Variants in ANKS1B observed in about 807,000 individuals in gnomAD.
ANKS1B encodes the protein ankyrin repeat and sterile alpha motif domain-containing protein 1B.
A neutral mutation model predicts 148.3 loss-of-function variants in ANKS1B; 36 were observed. The ratio of observed to expected loss-of-function variants is 0.24; its 90% CI spans 0.19 to 0.32. The LOEUF (loss-of-function observed/expected upper bound fraction) is 0.32. Ranked by LOEUF, ANKS1B falls within the 10% of genes least tolerant of loss-of-function variation. The pLI, the probability that ANKS1B is intolerant of heterozygous loss-of-function variation, is 1.00. For missense variants in ANKS1B, 1,157 were observed against 1,542.6 expected, an observed-to-expected ratio of 0.75 and a Z score of 4.19; for synonymous variants, 542 against 560.8, an observed-to-expected ratio of 0.97 and a Z score of 0.47.
At chr12:98,999,781 G>A (rs1293923680) in intron 17 of ANKS1B, among the ~76,000 whole-genome samples, 1 of 152,156 alleles carries the variant, frequency 6.6e-6, no homozygotes, top group African/African-American at 2.4e-5. Context: ...GCATGTGGTT[G>A]GGCTGGGCTC....
intron 13 of ANKS1B, among the ~76,000 whole-genome samples, chr12:99,245,298 T>C (rs1385707892): frequency 6.6e-6 from 1 of 152,192 alleles, no homozygotes; most frequent in African/African-American, 2.4e-5. Flanking sequence ...GGATCTCAGA[T>C]GTTATTCACT....
At chr12:99,901,305 T>A (rs1414833011) in intron 1 of ANKS1B, among the ~76,000 whole-genome samples, 1 of 152,190 alleles carries the variant, frequency 6.6e-6, no homozygotes, top group African/African-American at 2.4e-5. Context: ...GAAAATATTA[T>A]CATATTCTCA....
chr12:99,501,687 C>G (rs953837430), intron 10 of ANKS1B, among the ~76,000 whole-genome samples: 2 of 152,100 alleles, frequency 1.3e-5, no homozygotes, highest in Non-Finnish European at 2.9e-5. Context: ...CTGAGCTGGA[C>G]AGGCTGTGTA....
chr12:99,887,722 T>C (rs1048645361), intron 1 of ANKS1B, among the ~76,000 whole-genome samples: 15 of 152,260 alleles, frequency 9.9e-5, no homozygotes, highest in African/African-American at 3.1e-4. Flanking sequence ...GGTCTAATAA[T>C]GTATTCTACA....
In ANKS1B at chr12:99,564,195, C is replaced by T. The variant is rs539530218; in HGVS notation, c.1273-59554G>A. 5.9e-5 allele frequency among the ~76,000 whole-genome samples: 9 copies of T among 152,014 alleles called. No individual in the cohort carries two copies. In the South Asian group the frequency reaches 1.5e-3, roughly 25 times the overall value. On this transcript the variant is annotated intron_variant, in intron 9 of 26. Coordinates refer to ENST00000683438, the MANE Select transcript of ANKS1B (RefSeq NM_001352186.2). ...AAATTGTTGAGCTCACAGAAATTTG[C>T]CAAAAGGTTCATACAAAAATATTTA...
chr12:99,265,340 T>C (rs73140993), intron 12 of ANKS1B, among the ~76,000 whole-genome samples: 7,633 of 152,282 alleles, frequency 0.05, 261 homozygotes, highest in Non-Finnish European at 0.083. Flanking sequence ...TGCATATTCT[T>C]AGGCCTCACT....
At chr12:99,394,098 C>T (rs1002160586) in intron 12 of ANKS1B, among the ~76,000 whole-genome samples, 3 of 152,204 alleles carry the variant, frequency 2.0e-5, no homozygotes, top group African/African-American at 7.2e-5. Flanking sequence ...CATATACCTC[C>T]TTTGTCCACT....
intron 1 of ANKS1B, among the ~76,000 whole-genome samples, chr12:99,854,191 T>C (rs2088567907): frequency 6.6e-6 from 1 of 152,140 alleles, no homozygotes; most frequent in Non-Finnish European, 1.5e-5. Context: ...TTTTTGTATC[T>C]TTAGTAGAGA....
chr12:99,213,453 T>C (rs546707640), intron 14 of ANKS1B, among the ~76,000 whole-genome samples: 111 of 152,184 alleles, frequency 7.3e-4, no homozygotes, highest in Admixed American at 3.3e-3. Context: ...TGGGGAAGAG[T>C]AGAAACCTTA....
chr12:99,684,760 C>A (rs924817859), intron 8 of ANKS1B, among the ~76,000 whole-genome samples: 1 of 151,908 alleles, frequency 6.6e-6, no homozygotes, highest in Admixed American at 6.6e-5. Context: ...AGTAGAGAAC[C>A]CAGAAATAAA....
intron 19 of ANKS1B, among the ~76,000 whole-genome samples, chr12:98,814,049 T>C (rs1011210719): frequency 3.4e-5 from 3 of 87,510 alleles, no homozygotes; most frequent in Non-Finnish European, 6.8e-5. Context: ...TCTGGCTGAT[T>C]TTTGTATTTT....
At chr12:99,917,291 AG>A (rs2094201083) in intron 1 of ANKS1B, among the ~76,000 whole-genome samples, 1 of 152,244 alleles carries the variant, frequency 6.6e-6, no homozygotes, top group Admixed American at 6.5e-5. Flanking sequence ...TTGAACAACC[AG>A]ATGGAAAAGA....
At chr12:99,792,946 C>T (rs11110042) in intron 4 of ANKS1B, among the ~76,000 whole-genome samples, 28,939 of 151,890 alleles carry the variant, frequency 0.19, 3,304 homozygotes, top group Middle Eastern at 0.27. Flanking sequence ...TTTGGAAAAA[C>T]CTAAAGACTC....
intron 17 of ANKS1B, among the ~76,000 whole-genome samples, chr12:98,837,846 G>A (rs1032844104): frequency 3.3e-5 from 5 of 151,926 alleles, no homozygotes; most frequent in Non-Finnish European, 7.4e-5. Flanking sequence ...TGTAAATGAA[G>A]CATTTTTATC....
chr12:99,515,036 A>T (rs1263583566), intron 9 of ANKS1B, among the ~76,000 whole-genome samples: 4 of 151,922 alleles, frequency 2.6e-5, no homozygotes, highest in Admixed American at 2.6e-4. Flanking sequence ...TAAATATGCA[A>T]CTTTTGTGGG....
chr12:98,848,863 CA>C (rs1427803512), intron 17 of ANKS1B, among the ~76,000 whole-genome samples: 1 of 150,788 alleles, frequency 6.6e-6, no homozygotes, highest in Non-Finnish European at 1.5e-5. Flanking sequence ...CTCAGCCTCC[CA>C]AGTAGCTGGG....
intron 8 of ANKS1B, among the ~76,000 whole-genome samples, chr12:99,696,519 A>G (rs1205531389): frequency 1.3e-5 from 2 of 152,210 alleles, no homozygotes; most frequent in Non-Finnish European, 2.9e-5. Context: ...ACAACTGAAC[A>G]TCCACATGTA....
At chr12:99,768,104 C>T (rs2062826902) in intron 8 of ANKS1B, among the ~76,000 whole-genome samples, 1 of 152,068 alleles carries the variant, frequency 6.6e-6, no homozygotes, top group Admixed American at 6.6e-5. Context: ...ATGTAAAACA[C>T]ATTAATTAAA....
chr12:99,319,070 G>T (rs1457029904), intron 12 of ANKS1B, among the ~76,000 whole-genome samples: 1 of 152,146 alleles, frequency 6.6e-6, no homozygotes, highest in East Asian at 1.9e-4. Flanking sequence ...TTTTACACTT[G>T]CTGAGGAGTG....
Sources: gnomAD v4.1 joint callset for allele counts (sites outside exome capture counted in the v4.1 genomes callset) on GRCh38, gnomAD v4.1.1 for gene constraint, MANE v1.5 for transcripts, NCBI Gene and HGNC (gene_info 2026-07-23, HGNC 2026-07-21) for gene names.